TACR3: variants seen among roughly 807,000 people sequenced by gnomAD.
TACR3 encodes neuromedin-K receptor.
In TACR3, 34 loss-of-function variants were observed where a neutral mutation model predicts 35.0. The observed-to-expected ratio is 0.97, with a 90% confidence interval of 0.74 to 1.30. The LOEUF (loss-of-function observed/expected upper bound fraction) is 1.30. TACR3 is among the 50% of genes most tolerant of loss of function. The pLI is 0.00. For synonymous variants in TACR3, 233 were observed against 221.1 expected (o/e 1.05, Z -0.48); for missense variants, 558 against 591.7 (o/e 0.94, Z 0.59).
intron 3 of TACR3, among the ~76,000 whole-genome samples, chr4:103,614,556 G>A (rs762335302): frequency 3.4e-4 from 51 of 152,192 alleles, no homozygotes; most frequent in Non-Finnish European, 5.4e-4. Context: ...GCAGTGCTAA[G>A]AGCATTAAAG....
intron 3 of TACR3, chr4:103,593,524 C>T (rs1723939427): frequency 6.6e-6 from 1 of 152,148 alleles, no homozygotes; most frequent in African/African-American, 2.4e-5. Context: ...TACATGCCTA[C>T]TAACTGTAGG....
At chr4:103,663,423 G>T (rs944903635) in intron 1 of TACR3, among the ~76,000 whole-genome samples, 3 of 152,188 alleles carry the variant, frequency 2.0e-5, no homozygotes, top group African/African-American at 7.2e-5. Context: ...GAGCCTGGCA[G>T]GTGGAGGTTG....
chr4:103,656,324 A>G lies in TACR3; in HGVS notation c.758T>C (p.Ile253Thr), dbSNP rs61733575. Residue 253 changes from isoleucine (I) to threonine (T), a missense_variant, in exon 3 of 5, where the codon ATA becomes ACA. Physicochemically the swap from Ile to Thr is moderately conservative, Grantham distance 89 (BLOSUM62 -1). Transcript: ENST00000304883. ...GAGCAATGGGAAACAGTACACCAGT[A>G]TAATGACGATAATATGGTAACTATG... Reference protein sequence around the residue: ...QHFTYHIIVIILVYCFPLLIM... With the variant: ...QHFTYHIIVITLVYCFPLLIM... 1.9e-6 allele frequency: 3 copies of G among 1,612,628 alleles called. No homozygotes were observed. Among genetic ancestry groups the G allele is most frequent in the Non-Finnish European group, 2.5e-6 (3 of 1,178,952 alleles).
chr4:103,596,566 A>C (rs113769058), intron 3 of TACR3, among the ~76,000 whole-genome samples: 16 of 152,242 alleles, frequency 1.1e-4, no homozygotes, highest in East Asian at 5.8e-4. Flanking sequence ...AAACAAAACA[A>C]AACAAAACTG....
At chr4:103,590,116 G>T in intron 4 of TACR3, 122 bp from the exon 5 acceptor site, 2 of 1,188,224 alleles carry the variant, frequency 1.7e-6, no homozygotes, top group Non-Finnish European at 2.4e-6. Context: ...TTGGTTTTTA[G>T]CCAGACTCTT....
chr4:103,669,725 A>C (rs1301493146), intron 1 of TACR3, among the ~76,000 whole-genome samples: 1 of 151,978 alleles, frequency 6.6e-6, no homozygotes, highest in East Asian at 1.9e-4. Flanking sequence ...TGAGTTTCTT[A>C]TATATTCTGG....
chr4:103,683,494 A>AAAAAAAAAAAAAAAAAAG (rs1722150904), intron 1 of TACR3, among the ~76,000 whole-genome samples: 2 of 132,710 alleles, frequency 1.5e-5, no homozygotes, highest in African/African-American at 7.1e-5. Flanking sequence ...AAAAAAAAAA[A>AAAAAAAAAAAAAAAAAAG]AGAGAGAGAG....
At chr4:103,626,878 T>A (rs1234485259) in intron 3 of TACR3, among the ~76,000 whole-genome samples, 1 of 151,918 alleles carries the variant, frequency 6.6e-6, no homozygotes. Flanking sequence ...CTATGTATTG[T>A]TTTAATTGTG....
At chr4:103,717,092 A>G (rs1337511405) in intron 1 of TACR3, among the ~76,000 whole-genome samples, 1 of 152,202 alleles carries the variant, frequency 6.6e-6, no homozygotes, top group East Asian at 1.9e-4. Flanking sequence ...TTTACAGTTC[A>G]TGTTTGATAA....
intron 3 of TACR3, among the ~76,000 whole-genome samples, chr4:103,596,603 A>T (rs1489495054): frequency 3.9e-5 from 6 of 152,070 alleles, no homozygotes; most frequent in East Asian, 1.9e-4. Context: ...TCCTTTTTTT[A>T]AAATTTTATT....
At chr4:103,667,754 A>C (rs547227635) in intron 1 of TACR3, among the ~76,000 whole-genome samples, 135 of 152,346 alleles carry the variant, frequency 8.9e-4, no homozygotes, top group African/African-American at 2.9e-3. Flanking sequence ...AACAAAGATT[A>C]AAACAAATTT....
chr4:103,651,783 A>G (rs1047797093), intron 3 of TACR3, among the ~76,000 whole-genome samples: 1 of 151,780 alleles, frequency 6.6e-6, no homozygotes, highest in African/African-American at 2.4e-5. Context: ...TCAGGCTCTC[A>G]AAGGCTTTTT....
intron 3 of TACR3, among the ~76,000 whole-genome samples, chr4:103,600,438 G>GT (rs1724168237): frequency 6.6e-6 from 1 of 152,094 alleles, no homozygotes; most frequent in Non-Finnish European, 1.5e-5. Flanking sequence ...CTTTTGAAGG[G>GT]TTTTTTGTGT....
At chr4:103,626,973 G>A (rs897314328) in intron 3 of TACR3, among the ~76,000 whole-genome samples, 3 of 151,012 alleles carry the variant, frequency 2.0e-5, no homozygotes, top group Non-Finnish European at 2.9e-5. Flanking sequence ...AGGAGTTGGA[G>A]ACCAGCCTGG....
chr4:103,689,166 CG>C (rs1480794594), intron 1 of TACR3, among the ~76,000 whole-genome samples: 1 of 147,706 alleles, frequency 6.8e-6, no homozygotes, highest in African/African-American at 2.5e-5. Flanking sequence ...AACCAAACAC[CG>C]CATATTCTCA....
intron 3 of TACR3, among the ~76,000 whole-genome samples, chr4:103,600,995 G>A (rs535718243): frequency 6.6e-6 from 1 of 152,230 alleles, no homozygotes; most frequent in South Asian, 2.1e-4. Flanking sequence ...GCAGAGCTGA[G>A]TTCAATTCTT....
At position 103,658,348 on chromosome 4, in the gene TACR3, T is replaced by A; in HGVS notation, c.604A>T (p.Ile202Phe). Residue 202 changes from isoleucine (I) to phenylalanine (F), a missense_variant, in exon 2 of 5, where the codon ATT becomes TTT. Ile to Phe is a conservative substitution (Grantham distance 21). Transcript: ENST00000304883. The stretch of plus-strand genomic sequence containing the variant: ...AGAATCCAAATACTTCCAATGACAA[T>A]CTTGGTTGCTGTAGCAGACAGTCTG... ...KPRLSATATK[I>F]VIGSIWILAF... is the part of the protein sequence containing the mutation. 1 of 1,613,852 alleles carries A rather than the reference T, an allele frequency of 6.2e-7. No individual in the cohort carries two copies. Among genetic ancestry groups the A allele is most frequent in the Non-Finnish European group, 8.5e-7 (1 of 1,179,914 alleles).
intron 3 of TACR3, among the ~76,000 whole-genome samples, chr4:103,631,399 A>G (rs1480128714): frequency 1.3e-5 from 2 of 152,134 alleles, no homozygotes; most frequent in Non-Finnish European, 2.9e-5. Flanking sequence ...TGCATACTAT[A>G]TCAATAATGT....
intron 1 of TACR3, among the ~76,000 whole-genome samples, chr4:103,660,694 C>T (rs1725824173): frequency 6.6e-6 from 1 of 151,466 alleles, no homozygotes; most frequent in Non-Finnish European, 1.5e-5. Flanking sequence ...AAGTATACCT[C>T]AATAAAGCTT....
Sources: allele counts gnomAD v4.1 joint callset (sites outside exome capture counted in the v4.1 genomes callset), GRCh38; gene constraint gnomAD v4.1.1; transcripts MANE v1.5; gene names NCBI Gene and HGNC (gene_info 2026-07-23, HGNC 2026-07-21).